Variants in PLAUR observed in about 807,000 individuals in gnomAD.
The protein encoded by PLAUR is urokinase plasminogen activator surface receptor.
Under a neutral mutation model 33.4 loss-of-function variants are expected in PLAUR, and 22 were observed. The ratio of observed to expected loss-of-function variants is 0.66; its 90% CI spans 0.47 to 0.94. PLAUR has a LOEUF of 0.94. Ranked by LOEUF, PLAUR falls within the 40% of genes least tolerant of loss-of-function variation. The pLI is 0.00. For missense variants in PLAUR, 408 were observed against 434.7 expected, an observed-to-expected ratio of 0.94 and a Z score of 0.55; for synonymous variants, 148 against 167.3, an observed-to-expected ratio of 0.88 and a Z score of 0.89.
chr19:43,656,058 G>A (rs185943657), intron 4 of PLAUR, among the ~76,000 whole-genome samples: 3 of 152,062 alleles, frequency 2.0e-5, no homozygotes, highest in Admixed American at 2.0e-4. Context: ...TTTGAGACCA[G>A]CCTGACCAAC....
chr19:43,656,716 A>G (rs4251877), intron 3 of PLAUR, 76 bp from the exon 4 acceptor site: 68,287 of 1,243,270 alleles, frequency 0.055, 2,158 homozygotes, highest in Middle Eastern at 0.14. Flanking sequence ...GGACTCACTC[A>G]AAATCAATTC....
At chr19:43,647,579 G>A (rs1973844406), downstream of PLAUR, among the ~76,000 whole-genome samples, 1 of 152,094 alleles carries the variant, frequency 6.6e-6, no homozygotes, top group African/African-American at 2.4e-5. Context: ...GGCCAAGGTG[G>A]GCAGATCACC....
At chr19:43,651,265 T>C (rs1428789922) in intron 6 of PLAUR, among the ~76,000 whole-genome samples, 1 of 151,588 alleles carries the variant, frequency 6.6e-6, no homozygotes, top group Admixed American at 6.6e-5. Context: ...TTAGTAGAGA[T>C]GGGGTTTCAC....
chr19:43,659,771 G>A (rs1042249405), intron 3 of PLAUR, among the ~76,000 whole-genome samples: 3 of 152,172 alleles, frequency 2.0e-5, no homozygotes, highest in South Asian at 2.1e-4. Context: ...TGCATCAACC[G>A]ACATGCTTCT....
chr19:43,665,223 A>G, intron 3 of PLAUR, 93 bp downstream of exon 3: 2 of 1,333,576 alleles, frequency 1.5e-6, no homozygotes, highest in South Asian at 2.4e-5. Context: ...GTTGGGGTTC[A>G]GCTGATGTAA....
chr19:43,666,065 T>A (rs1425396815), intron 2 of PLAUR, among the ~76,000 whole-genome samples: 3 of 150,480 alleles, frequency 2.0e-5, no homozygotes, highest in Non-Finnish European at 4.4e-5. Flanking sequence ...ATGCCTCAAA[T>A]GTAACTTTAT....
rs951521777 is a variant in PLAUR at position 43,667,315 on chromosome 19, C to T, written c.166+266G>A. The stretch of plus-strand genomic sequence containing the variant: ...TTGAGCTGTAGCATATGTTAATCTT[C>T]ATCTGGACTAGATATTGCCGAATCG... On this transcript the variant is annotated intron_variant, in intron 2 of 6. Transcript: ENST00000340093. 7.7e-6 allele frequency: 4 copies of T among 517,778 alleles called. No homozygotes were observed. In the Admixed American group the frequency reaches 1.3e-4, roughly 17 times the overall value. The allele number at this position is 517,778 out of a possible 1,614,324, so 32.1% of individuals were successfully genotyped here.
intron 6 of PLAUR, among the ~76,000 whole-genome samples, chr19:43,651,393 A>G (rs1394953232): frequency 2.0e-5 from 3 of 151,458 alleles, no homozygotes; most frequent in African/African-American, 7.3e-5. Flanking sequence ...TTTAATTTTA[A>G]TGTGGCATTT....
chr19:43,662,280 G>A (rs1278635935), intron 3 of PLAUR, among the ~76,000 whole-genome samples: 3 of 152,068 alleles, frequency 2.0e-5, no homozygotes, highest in African/African-American at 4.8e-5. Flanking sequence ...GGTGGATCAC[G>A]AGGTCAAGAG....
chr19:43,667,738 C>T, intron 1 of PLAUR, 47 bp from the exon 2 acceptor site: 1 of 1,599,014 alleles, frequency 6.3e-7, no homozygotes, highest in Non-Finnish European at 8.5e-7. Flanking sequence ...ACGCTTAGCT[C>T]CAAGACCCCC....
chr19:43,656,815 C>T (rs1034765908), intron 3 of PLAUR, 175 bp from the exon 4 acceptor site: 1 of 569,448 alleles, frequency 1.8e-6, no homozygotes, highest in Non-Finnish European at 3.1e-6. Context: ...TTTCCAGCCC[C>T]ATGGACCAGT....
At position 43,652,182 on chromosome 19, in the gene PLAUR, A is replaced by G. The variant is rs4251913; in HGVS notation, c.754+43T>C. 75 of 1,605,198 alleles carry G rather than the reference A, an allele frequency of 4.7e-5. No individual in the cohort carries two copies. In the African/African-American group the frequency reaches 9.4e-4, roughly 20 times the overall value. ...AAGTCAATCTCTTGCGGAACTCTCC[A>G]CCCCCAATAAGTGTTCCCTCCCAGC... On this transcript the variant is annotated intron_variant, in intron 6 of 6. Coordinates refer to ENST00000340093, the MANE Select transcript of PLAUR (RefSeq NM_002659.4).
rs1406298669 is a variant in PLAUR at position 43,659,881 on chromosome 19, T to G, written c.311-3241A>C. The stretch of plus-strand genomic sequence containing the variant: ...CTTCATTTGAGTCACTGTTCTATAT[T>G]TTCTGTTGGACTCTTTTAAAAAATG... On this transcript the variant is annotated intron_variant, in intron 3 of 6. Transcript: ENST00000340093. 5.9e-5 allele frequency among the ~76,000 whole-genome samples: 9 copies of G among 152,200 alleles called. No individual in the cohort carries two copies. The East Asian group carries it at 1.7e-3, about 29-fold the overall frequency.
rs115391735 is a variant in PLAUR, at chr19:43,667,955, C to T, written c.56-264G>A. 933 of 1,328,224 alleles carry T rather than the reference C, an allele frequency of 7.0e-4. 7 individuals carry two copies. In the African/African-American group the frequency reaches 0.013, roughly 18 times the overall value. The allele number at this position is 1,328,224 out of a possible 1,614,324, so 82.3% of individuals were successfully genotyped here. ...GCCTTGGCCCGTTTTTCCTTTCATT[C>T]TGTCCTCGTGAGGCGTATATCCTGA... On this transcript the variant is annotated intron_variant, in intron 1 of 6. Transcript: ENST00000340093.
intron 1 of PLAUR, chr19:43,667,996 CCTCT>C (rs750178380): frequency 2.6e-5 from 32 of 1,212,016 alleles, no homozygotes; most frequent in African/African-American, 6.2e-5. Flanking sequence ...GTATCCCCGC[CCTCT>C]CTATCAGTAC....
At chr19:43,647,955 T>TC, downstream of PLAUR, among the ~76,000 whole-genome samples, 1 of 151,372 alleles carries the variant, frequency 6.6e-6, no homozygotes, top group Admixed American at 6.6e-5. Flanking sequence ...TTTTTTTTTT[T>TC]TACAGACTAA....
intron 3 of PLAUR, among the ~76,000 whole-genome samples, chr19:43,658,670 C>T (rs931978808): frequency 2.6e-5 from 4 of 152,116 alleles, no homozygotes; most frequent in South Asian, 2.1e-4. Flanking sequence ...ATGCCCTCCC[C>T]GTCCTGACCC....
intron 3 of PLAUR, among the ~76,000 whole-genome samples, chr19:43,661,910 G>A (rs1271320641): frequency 6.6e-6 from 1 of 151,950 alleles, no homozygotes; most frequent in Non-Finnish European, 1.5e-5. Context: ...GTTTTGCTCT[G>A]CCGCCTAGGC....
chr19:43,667,376 C>G (rs961840243), intron 2 of PLAUR: 120 of 589,610 alleles, frequency 2.0e-4, no homozygotes, highest in Middle Eastern at 9.1e-4. Context: ...ACTCCCCCAC[C>G]ACAGACACGG....
Sources: gnomAD v4.1 joint callset for allele counts (sites outside exome capture counted in the v4.1 genomes callset) on GRCh38, gnomAD v4.1.1 for gene constraint, MANE v1.5 for transcripts, NCBI Gene and HGNC (gene_info 2026-07-23, HGNC 2026-07-21) for gene names.